SPIDR: variants seen among roughly 807,000 people sequenced by gnomAD.
The protein encoded by SPIDR is scaffold protein involved in DNA repair.
A neutral mutation model predicts 104.6 loss-of-function variants in SPIDR; 93 were observed. The observed-to-expected ratio is 0.89, with a 90% CI of 0.75 to 1.06. The LOEUF (loss-of-function observed/expected upper bound fraction) is 1.06. Among genes scored for constraint, SPIDR ranks in the 50% least tolerant of loss-of-function variants. SPIDR has a pLI of 0.00. For synonymous variants in SPIDR, 431 were observed against 416.9 expected, an observed-to-expected ratio of 1.03 and a Z score of -0.41; for missense variants, 1,154 against 1,111.2, an observed-to-expected ratio of 1.04 and a Z score of -0.55.
intron 11 of SPIDR, among the ~76,000 whole-genome samples, chr8:47,688,857 A>AT (rs2078223904): frequency 6.6e-6 from 1 of 151,702 alleles, no homozygotes; most frequent in Non-Finnish European, 1.5e-5. Flanking sequence ...TGTCTTTTTC[A>AT]TTATCTTTTT....
chr8:47,520,442 G>T (rs1000263061), intron 8 of SPIDR, among the ~76,000 whole-genome samples: 3 of 152,136 alleles, frequency 2.0e-5, no homozygotes, highest in Non-Finnish European at 2.9e-5. Context: ...CAGAAGTCTG[G>T]CTAAAGAGTA....
intron 5 of SPIDR, among the ~76,000 whole-genome samples, chr8:47,394,529 C>T (rs1484629394): frequency 6.6e-6 from 1 of 152,196 alleles, no homozygotes; most frequent in Non-Finnish European, 1.5e-5. Context: ...ACTGGTGGGG[C>T]AGTGCTCCTG....
At chr8:47,516,662 CCATT>C (rs1292777421) in intron 8 of SPIDR, among the ~76,000 whole-genome samples, 3 of 152,108 alleles carry the variant, frequency 2.0e-5, no homozygotes, top group African/African-American at 7.2e-5. Flanking sequence ...TTTTTTTTAT[CCATT>C]CATCTGTTCA....
intron 10 of SPIDR, among the ~76,000 whole-genome samples, chr8:47,658,029 C>CAAGAAAA (rs2073193753): frequency 1.3e-5 from 1 of 76,040 alleles, no homozygotes; most frequent in African/African-American, 5.0e-5. Context: ...GACCCTGTCT[C>CAAGAAAA]AAAAAAAAAA....
At chr8:47,536,425 T>C (rs899830416) in intron 8 of SPIDR, among the ~76,000 whole-genome samples, 2 of 152,128 alleles carry the variant, frequency 1.3e-5, no homozygotes, top group African/African-American at 4.8e-5. Context: ...GGAAAAAGAA[T>C]AGCCAAATAG....
intron 8 of SPIDR, among the ~76,000 whole-genome samples, chr8:47,490,982 C>T (rs2078607598): frequency 6.6e-6 from 1 of 152,072 alleles, no homozygotes; most frequent in Non-Finnish European, 1.5e-5. Context: ...TACCCTAGAA[C>T]TTAAAGTATA....
At chr8:47,592,553 G>T in intron 8 of SPIDR, 2 of 1,317,050 alleles carry the variant, frequency 1.5e-6, no homozygotes, top group African/African-American at 1.5e-5. Context: ...GCCAGGAACT[G>T]GTTCTGCCAG....
At chr8:47,266,173 A>T (rs1554546571) in intron 1 of SPIDR, among the ~76,000 whole-genome samples, 3 of 129,676 alleles carry the variant, frequency 2.3e-5, no homozygotes. Context: ...TCTCTTGCCC[A>T]GGCTGGAGTG....
intron 8 of SPIDR, among the ~76,000 whole-genome samples, chr8:47,444,874 G>T (rs1403215712): frequency 6.6e-6 from 1 of 152,034 alleles, no homozygotes. Flanking sequence ...CTCAGGATGT[G>T]GTACATATTG....
At chr8:47,463,219 G>C (rs543030305) in intron 8 of SPIDR, among the ~76,000 whole-genome samples, 1 of 151,860 alleles carries the variant, frequency 6.6e-6, no homozygotes, top group Admixed American at 6.6e-5. Context: ...AAATTAGCTG[G>C]GCATGGTGGT....
At chr8:47,725,366 A>T (rs1246967927) in intron 16 of SPIDR, among the ~76,000 whole-genome samples, 1 of 152,042 alleles carries the variant, frequency 6.6e-6, no homozygotes, top group East Asian at 1.9e-4. Flanking sequence ...TTTCTTTCTG[A>T]TGCTCATTTA....
intron 11 of SPIDR, among the ~76,000 whole-genome samples, chr8:47,687,747 T>C (rs1386720612): frequency 3.9e-5 from 6 of 152,226 alleles, no homozygotes; most frequent in African/African-American, 1.2e-4. Flanking sequence ...TTTACAGTTA[T>C]ACTACTTTTT....
At chr8:47,434,378 T>C (rs1437591008) in intron 7 of SPIDR, among the ~76,000 whole-genome samples, 1 of 152,086 alleles carries the variant, frequency 6.6e-6, no homozygotes, top group South Asian at 2.1e-4. Context: ...ACTTGATGAA[T>C]TGACCTGAAG....
At chr8:47,592,732 A>G (rs998299706) in intron 8 of SPIDR, 3 of 553,558 alleles carry the variant, frequency 5.4e-6, no homozygotes, top group Non-Finnish European at 9.8e-6. Context: ...GCATACATTT[A>G]GAACCACCTC....
intron 8 of SPIDR, among the ~76,000 whole-genome samples, chr8:47,446,138 G>A (rs923790327): frequency 2.0e-5 from 3 of 152,184 alleles, no homozygotes; most frequent in South Asian, 2.1e-4. Context: ...CATAGCTGGC[G>A]AGGAAAAGTC....
At chr8:47,483,281 G>C (rs2077127005) in intron 8 of SPIDR, among the ~76,000 whole-genome samples, 1 of 152,042 alleles carries the variant, frequency 6.6e-6, no homozygotes, top group African/African-American at 2.4e-5. Flanking sequence ...GTTTTTGTCT[G>C]TTAAAAATCT....
chr8:47,401,607 A>G (rs2154316950), intron 6 of SPIDR, among the ~76,000 whole-genome samples: 1 of 152,340 alleles, frequency 6.6e-6, no homozygotes, highest in African/African-American at 2.4e-5. Context: ...GCAGAGACAC[A>G]CATAGGCTCA....
At chr8:47,333,905 G>A (rs534901538) in intron 5 of SPIDR, among the ~76,000 whole-genome samples, 1 of 152,306 alleles carries the variant, frequency 6.6e-6, no homozygotes, top group South Asian at 2.1e-4. Flanking sequence ...GCATGTGACT[G>A]TATATGCGTT....
chr8:47,296,575 T>A (rs1237583768), intron 5 of SPIDR, among the ~76,000 whole-genome samples: 1 of 152,222 alleles, frequency 6.6e-6, no homozygotes, highest in Non-Finnish European at 1.5e-5. Context: ...TGACCACAAA[T>A]GTGTGGGTTT....
Sources: allele counts gnomAD v4.1 joint callset (sites outside exome capture counted in the v4.1 genomes callset), GRCh38; gene constraint gnomAD v4.1.1; transcripts MANE v1.5; gene names NCBI Gene and HGNC (gene_info 2026-07-23, HGNC 2026-07-21).